The following PDE4D variants were observed in gnomAD, a reference collection of about 807,000 sequenced individuals.
PDE4D encodes the protein phosphodiesterase 4D, also known as 3',5'-cyclic-AMP phosphodiesterase 4D.
PDE4D carries 24 observed loss-of-function variants against 87.4 expected under a neutral mutation model. That is an observed-to-expected ratio of 0.27 (90% CI 0.20 to 0.39). PDE4D has a LOEUF of 0.39. Among genes scored for constraint, PDE4D ranks in the 10% least tolerant of loss-of-function variants. The pLI, the probability that PDE4D is intolerant of heterozygous loss-of-function variation, is 1.00. For missense variants in PDE4D, 714 were observed against 1,041.0 expected (o/e 0.69, Z 4.32); for synonymous variants, 384 against 383.2 (o/e 1.00, Z -0.02).
chr5:60,106,942 A>C (rs1582687111), intron 2 of PDE4D, among the ~76,000 whole-genome samples: 1 of 151,942 alleles, frequency 6.6e-6, no homozygotes, highest in African/African-American at 2.4e-5. Flanking sequence ...CATCACAATT[A>C]AAAGAACTAG....
chr5:59,505,672 T>C lies in PDE4D; in HGVS notation c.456-289704A>G, dbSNP rs114428070. Among the ~76,000 whole-genome samples the C allele has an allele frequency of 4.7e-3, 718 of 152,326 alleles. 3 individuals are homozygous for C. The highest frequency in any genetic ancestry group is 0.017 in the African/African-American group (696 of 41,572). On this transcript the variant is annotated intron_variant, in intron 1 of 14. Coordinates refer to ENST00000340635, the MANE Select transcript of PDE4D (RefSeq NM_001104631.2). ...TGGAAACCAAAAACAGATCCAGCAG[T>C]TGTCAGAGATAGAATTTCAACTCAG...
chr5:59,279,880 C>G (rs1765515400), intron 1 of PDE4D, among the ~76,000 whole-genome samples: 1 of 151,502 alleles, frequency 6.6e-6, no homozygotes, highest in African/African-American at 2.4e-5. Context: ...AAAATGCTAC[C>G]AAGTTTTTGG....
intron 1 of PDE4D, among the ~76,000 whole-genome samples, chr5:60,227,415 T>C (rs1745244030): frequency 6.6e-6 from 1 of 151,972 alleles, no homozygotes; most frequent in African/African-American, 2.4e-5. Context: ...CTTTGTTTTG[T>C]TCATTGATAG....
At chr5:59,176,592 A>G (rs939050736) in intron 5 of PDE4D, among the ~76,000 whole-genome samples, 5 of 152,074 alleles carry the variant, frequency 3.3e-5, no homozygotes, top group African/African-American at 1.2e-4. Flanking sequence ...TCCTGGCTTT[A>G]ATACATGTCA....
intron 1 of PDE4D, among the ~76,000 whole-genome samples, chr5:59,890,583 T>G (rs1002738073): frequency 6.6e-6 from 1 of 152,214 alleles, no homozygotes; most frequent in Non-Finnish European, 1.5e-5. Flanking sequence ...TCCTGTAGTA[T>G]CAGTCGATAT....
chr5:59,009,115 A>T (rs1752250829), intron 6 of PDE4D, among the ~76,000 whole-genome samples: 1 of 152,156 alleles, frequency 6.6e-6, no homozygotes, highest in African/African-American at 2.4e-5. Context: ...ATTCTCATAC[A>T]TTGCTAGTGA....
chr5:60,176,197 G>A (rs764813537), intron 2 of PDE4D, among the ~76,000 whole-genome samples: 1 of 152,126 alleles, frequency 6.6e-6, no homozygotes, highest in Non-Finnish European at 1.5e-5. Flanking sequence ...TCATTAAAAT[G>A]TTTAGCTGAA....
chr5:59,056,250 T>G (rs1365704842), intron 5 of PDE4D, among the ~76,000 whole-genome samples: 1 of 152,090 alleles, frequency 6.6e-6, no homozygotes, highest in African/African-American at 2.4e-5. Context: ...AAACAGTCTT[T>G]TCTTTCCCCA....
At chr5:59,136,562 T>C (rs143757001) in intron 5 of PDE4D, among the ~76,000 whole-genome samples, 1 of 152,264 alleles carries the variant, frequency 6.6e-6, no homozygotes, top group Non-Finnish European at 1.5e-5. Flanking sequence ...ATGATCATTA[T>C]CTCTAGATCA....
chr5:59,041,638 C>T (rs1759703570), intron 5 of PDE4D, among the ~76,000 whole-genome samples: 1 of 152,084 alleles, frequency 6.6e-6, no homozygotes, highest in Non-Finnish European at 1.5e-5. Context: ...GCTGGGAGTC[C>T]CCTCTGAGGT....
chr5:59,691,611 C>G (rs545317469), intron 1 of PDE4D, among the ~76,000 whole-genome samples: 322 of 151,284 alleles, frequency 2.1e-3, no homozygotes, highest in African/African-American at 7.4e-3. Flanking sequence ...AGTAGATATA[C>G]GTAATGTAAA....
At chr5:60,109,812 G>A (rs1475351879) in intron 2 of PDE4D, among the ~76,000 whole-genome samples, 2 of 151,190 alleles carry the variant, frequency 1.3e-5, no homozygotes, top group African/African-American at 4.9e-5. Flanking sequence ...ACTGAACAAT[G>A]AGAACACATG....
intron 1 of PDE4D, among the ~76,000 whole-genome samples, chr5:60,507,225 C>G (rs906111347): frequency 6.6e-6 from 1 of 152,142 alleles, no homozygotes; most frequent in African/African-American, 2.4e-5. Context: ...CAGGCACCCG[C>G]CACTATGCCT....
At chr5:59,277,179 C>T (rs1230428075) in intron 1 of PDE4D, among the ~76,000 whole-genome samples, 1 of 152,164 alleles carries the variant, frequency 6.6e-6, no homozygotes, top group Non-Finnish European at 1.5e-5. Flanking sequence ...CGGCATCCGC[C>T]AGAGGCTCTG....
chr5:60,092,964 CA>C (rs1405489448), intron 2 of PDE4D, among the ~76,000 whole-genome samples: 1 of 152,154 alleles, frequency 6.6e-6, no homozygotes, highest in Non-Finnish European at 1.5e-5. Flanking sequence ...CCAAGCATAT[CA>C]TTTGTACGAT....
chr5:60,519,861 G>A (rs1326073868), intron 1 of PDE4D, among the ~76,000 whole-genome samples: 1 of 152,140 alleles, frequency 6.6e-6, no homozygotes, highest in Non-Finnish European at 1.5e-5. Flanking sequence ...ACTATCCTTT[G>A]TTAAGAGCTT....
chr5:59,160,837 C>T (rs1264378343), intron 5 of PDE4D, among the ~76,000 whole-genome samples: 10 of 152,130 alleles, frequency 6.6e-5, no homozygotes, highest in African/African-American at 2.4e-4. Flanking sequence ...GTGGCTCACG[C>T]CTGTAATCCC....
chr5:59,993,421 C>T (rs1561956058), intron 2 of PDE4D, among the ~76,000 whole-genome samples: 1 of 152,098 alleles, frequency 6.6e-6, no homozygotes, highest in Non-Finnish European at 1.5e-5. Flanking sequence ...AATGTTGATA[C>T]ATCATATGAT....
At chr5:60,393,403 G>C (rs181369551) in intron 1 of PDE4D, among the ~76,000 whole-genome samples, 13 of 152,214 alleles carry the variant, frequency 8.5e-5, no homozygotes, top group African/African-American at 2.6e-4. Flanking sequence ...GAGGAAATAA[G>C]TTTCTTTTTT....
Sources: allele counts gnomAD v4.1 joint callset (sites outside exome capture counted in the v4.1 genomes callset), GRCh38; gene constraint gnomAD v4.1.1; transcripts MANE v1.5; gene names NCBI Gene and HGNC (gene_info 2026-07-23, HGNC 2026-07-21).